The following PTPRT variants were observed in gnomAD, a reference collection of about 807,000 sequenced individuals.
PTPRT encodes the protein receptor-type tyrosine-protein phosphatase T.
PTPRT carries 56 observed loss-of-function variants against 176.8 expected under a neutral mutation model. That is an observed-to-expected ratio of 0.32 (90% CI 0.26 to 0.40). The LOEUF (loss-of-function observed/expected upper bound fraction) is 0.40, where lower values mean the gene tolerates loss of function less well. PTPRT is among the 10% of genes least tolerant of loss of function. The pLI is 1.00. For synonymous variants in PTPRT, 783 were observed against 739.0 expected (o/e 1.06, Z -0.96); for missense variants, 1,540 against 1,908.2 (o/e 0.81, Z 3.60).
intron 12 of PTPRT, among the ~76,000 whole-genome samples, chr20:42,285,726 G>A (rs2057218184): frequency 6.6e-6 from 1 of 150,396 alleles, no homozygotes; most frequent in Non-Finnish European, 1.5e-5. Flanking sequence ...CATCCAAATT[G>A]GAAAAAAAAA....
chr20:43,044,571 A>G (rs1159213534), intron 1 of PTPRT, among the ~76,000 whole-genome samples: 1 of 152,212 alleles, frequency 6.6e-6, no homozygotes, highest in African/African-American at 2.4e-5. Context: ...CATGGATTCA[A>G]GTCCGGCCTC....
chr20:42,984,017 A>G (rs1983423210), intron 1 of PTPRT, among the ~76,000 whole-genome samples: 1 of 152,222 alleles, frequency 6.6e-6, no homozygotes, highest in African/African-American at 2.4e-5. Context: ...TTTTATCTGC[A>G]GGATACCACC....
At chr20:42,759,592 A>G (rs2076886171) in intron 5 of PTPRT, among the ~76,000 whole-genome samples, 1 of 152,276 alleles carries the variant, frequency 6.6e-6, no homozygotes, top group Non-Finnish European at 1.5e-5. Flanking sequence ...GGGAAATGCC[A>G]CAAAGAAGCA....
intron 7 of PTPRT, among the ~76,000 whole-genome samples, chr20:42,491,913 A>T (rs1164789317): frequency 6.6e-6 from 1 of 152,182 alleles, no homozygotes; most frequent in Non-Finnish European, 1.5e-5. Context: ...CATTTCATAA[A>T]TGTTATATAA....
intron 7 of PTPRT, among the ~76,000 whole-genome samples, chr20:42,517,478 A>G (rs2072090079): frequency 1.3e-5 from 2 of 151,856 alleles, no homozygotes; most frequent in Admixed American, 6.6e-5. Flanking sequence ...CAATCTTTCT[A>G]TTGTACATAT....
intron 1 of PTPRT, among the ~76,000 whole-genome samples, chr20:42,995,404 C>T (rs1984167084): frequency 6.6e-6 from 1 of 152,126 alleles, no homozygotes; most frequent in South Asian, 2.1e-4. Flanking sequence ...ACTGGGAGAA[C>T]CGAGTTCTAA....
intron 1 of PTPRT, among the ~76,000 whole-genome samples, chr20:42,904,575 C>T (rs187273169): frequency 4.6e-5 from 7 of 152,244 alleles, no homozygotes; most frequent in Non-Finnish European, 8.8e-5. Context: ...GGTCTTGATA[C>T]GGGAAGGGGG....
rs548333337 is a variant in PTPRT, at chr20:42,544,662, G to T, written c.1154-72100C>A. On this transcript the variant is annotated intron_variant, in intron 7 of 30. Coordinates refer to ENST00000373187, the MANE Select transcript of PTPRT (RefSeq NM_007050.6). ...GACTTTCCACTCCTCTCTCAGGAGA[G>T]AGCACAGAGAGTAGCCTGGCTGTTT... Among the ~76,000 whole-genome samples the T allele has an allele frequency of 3.9e-5, 6 of 152,304 alleles. No homozygotes were observed. In the South Asian group the frequency reaches 8.3e-4, roughly 21 times the overall value.
intron 1 of PTPRT, among the ~76,000 whole-genome samples, chr20:43,003,192 T>C (rs981773208): frequency 4.6e-5 from 7 of 152,158 alleles, no homozygotes; most frequent in Non-Finnish European, 8.8e-5. Context: ...CTTAATTTTA[T>C]TGATTTATTT....
At chr20:42,089,032 C>A (rs143999675) in intron 27 of PTPRT, among the ~76,000 whole-genome samples, 1 of 152,174 alleles carries the variant, frequency 6.6e-6, no homozygotes, top group African/African-American at 2.4e-5. Flanking sequence ...AGCTTCAGAA[C>A]GCAATGATGC....
intron 4 of PTPRT, among the ~76,000 whole-genome samples, chr20:42,776,813 A>G (rs946911151): frequency 6.1e-5 from 9 of 148,492 alleles, no homozygotes; most frequent in African/African-American, 2.2e-4. Flanking sequence ...TTTATATACT[A>G]TAACTCACAT....
At chr20:42,305,494 A>C (rs1051038910) in intron 12 of PTPRT, among the ~76,000 whole-genome samples, 1 of 151,210 alleles carries the variant, frequency 6.6e-6, no homozygotes, top group Non-Finnish European at 1.5e-5. Flanking sequence ...TCTGTATATA[A>C]ATTTCATAAA....
chr20:42,385,753 A>C lies in PTPRT; in HGVS notation c.1561-33468T>G, dbSNP rs941128045. ...CAGGCAAGAGAGCTTGTGCAGGGGG[A>C]ACTCCCATTTATAAAACCATCAGCT... On this transcript the variant is annotated intron_variant, in intron 9 of 30. Coordinates refer to ENST00000373187, the MANE Select transcript of PTPRT (RefSeq NM_007050.6). Among the ~76,000 whole-genome samples, 4 of 152,098 alleles carry C rather than the reference A, an allele frequency of 2.6e-5. No individual in the cohort carries two copies. In the East Asian group the frequency reaches 5.8e-4, roughly 22 times the overall value.
At chr20:42,945,643 T>G (rs1383460152) in intron 1 of PTPRT, among the ~76,000 whole-genome samples, 1 of 152,240 alleles carries the variant, frequency 6.6e-6, no homozygotes, top group Non-Finnish European at 1.5e-5. Context: ...CACTGCCCCT[T>G]GTGCTGGACC....
At chr20:43,154,663 G>T (rs760873176) in intron 1 of PTPRT, among the ~76,000 whole-genome samples, 1 of 152,108 alleles carries the variant, frequency 6.6e-6, no homozygotes, top group Non-Finnish European at 1.5e-5. Flanking sequence ...ACATTGGTCT[G>T]GGCAGTGATT....
intron 3 of PTPRT, among the ~76,000 whole-genome samples, chr20:42,781,607 T>C (rs577535024): frequency 6.6e-6 from 1 of 152,318 alleles, no homozygotes; most frequent in South Asian, 2.1e-4. Flanking sequence ...CTTTAAAAAC[T>C]ACCCTTCAGC....
At chr20:42,784,724 A>G (rs2077264125) in intron 3 of PTPRT, among the ~76,000 whole-genome samples, 1 of 144,800 alleles carries the variant, frequency 6.9e-6, no homozygotes, top group African/African-American at 2.5e-5. Context: ...AGGGGCCTAT[A>G]TAGCGATAAT....
chr20:42,243,595 G>T (rs1600721003), intron 14 of PTPRT, among the ~76,000 whole-genome samples: 2 of 152,158 alleles, frequency 1.3e-5, no homozygotes, highest in Admixed American at 6.5e-5. Flanking sequence ...ATGCTCAAAA[G>T]AAGAAAATAG....
intron 7 of PTPRT, among the ~76,000 whole-genome samples, chr20:42,653,605 C>A (rs939974764): frequency 1.3e-5 from 2 of 152,206 alleles, no homozygotes; most frequent in Non-Finnish European, 2.9e-5. Flanking sequence ...GGAATTCTCC[C>A]TGACAGCGTA....
Sources: allele counts gnomAD v4.1 joint callset (sites outside exome capture counted in the v4.1 genomes callset), GRCh38; gene constraint gnomAD v4.1.1; transcripts MANE v1.5; gene names NCBI Gene and HGNC (gene_info 2026-07-23, HGNC 2026-07-21).